The following BCL2L13 variants were observed in gnomAD, a reference collection of about 807,000 sequenced individuals.
The protein encoded by BCL2L13 is BCL2 like 13.
BCL2L13 carries 13 observed loss-of-function variants against 25.8 expected under a neutral mutation model. The ratio of observed to expected loss-of-function variants is 0.50; its 90% CI spans 0.33 to 0.80. The LOEUF (loss-of-function observed/expected upper bound fraction) is 0.80, where lower values mean the gene tolerates loss of function less well. Ranked by LOEUF, BCL2L13 falls within the 30% of genes least tolerant of loss-of-function variation. The pLI is 0.02. For missense variants in BCL2L13, 504 were observed against 574.9 expected (o/e 0.88, Z 1.26); for synonymous variants, 244 against 230.3 (o/e 1.06, Z -0.54).
chr22:17,727,343 G>A lies in BCL2L13; in HGVS notation c.1267G>A (p.Glu423Lys). 6.2e-7 allele frequency: 1 copy of A among 1,614,248 alleles called. No homozygotes were observed. The highest frequency in any genetic ancestry group is 8.5e-7 in the Non-Finnish European group (1 of 1,180,054). The change falls in exon 7 of 7, where the codon GAA becomes AAA. Residue 423 changes from glutamate (E) to lysine (K), a missense_variant. Physicochemically the swap from Glu to Lys is moderately conservative, Grantham distance 56. Coordinates refer to ENST00000317582, the MANE Select transcript of BCL2L13 (RefSeq NM_015367.4). ...EINAREESLV[E>K]ELSPASEKKP... ...AAACGCAAGGGAAGAGAGCCTTGTG[G>A]AAGAGCTGTCCCCTGCCAGCGAGAA...
intron 1 of BCL2L13, among the ~76,000 whole-genome samples, chr22:17,630,216 TCAAAAAAA>T (rs201861337): frequency 0.012 from 1,331 of 108,368 alleles, 29 homozygotes; most frequent in African/African-American, 0.05. Flanking sequence ...AGACTCCGTC[TCAAAAAAA>T]CAAAAAAAAA....
intron 1 of BCL2L13, among the ~76,000 whole-genome samples, chr22:17,641,080 C>T (rs1289395990): frequency 6.6e-6 from 1 of 151,782 alleles, no homozygotes; most frequent in Non-Finnish European, 1.5e-5. Flanking sequence ...TTAGTAGAGA[C>T]GGGGTTTCAC....
intron 3 of BCL2L13, among the ~76,000 whole-genome samples, chr22:17,685,177 A>G (rs2059888213): frequency 1.3e-5 from 2 of 149,904 alleles, no homozygotes; most frequent in African/African-American, 2.5e-5. Flanking sequence ...CCTGGCCACT[A>G]TGTGGTCTTT....
At chr22:17,692,716 C>T (rs1179636603) in intron 4 of BCL2L13, among the ~76,000 whole-genome samples, 2 of 152,154 alleles carry the variant, frequency 1.3e-5, no homozygotes, top group Admixed American at 6.5e-5. Flanking sequence ...AGAATGATGC[C>T]TGTGTCATCA....
chr22:17,692,792 A>T (rs2254520), intron 4 of BCL2L13, among the ~76,000 whole-genome samples: 129,384 of 151,886 alleles, frequency 0.85, 55,239 homozygotes, highest in East Asian at 0.94. Flanking sequence ...GTGGTTTTAA[A>T]ATGTAATTAA....
intron 3 of BCL2L13, among the ~76,000 whole-genome samples, chr22:17,688,559 T>C (rs1364597335): frequency 6.6e-6 from 1 of 152,214 alleles, no homozygotes; most frequent in Non-Finnish European, 1.5e-5. Flanking sequence ...CATGTCAGTT[T>C]AGTTGTTTCT....
At chr22:17,723,997 G>T (rs144008499) in intron 6 of BCL2L13, among the ~76,000 whole-genome samples, 6 of 152,082 alleles carry the variant, frequency 3.9e-5, no homozygotes, top group Admixed American at 2.6e-4. Context: ...TCAAGTCCAG[G>T]TGTGGTGGCT....
intron 6 of BCL2L13, among the ~76,000 whole-genome samples, chr22:17,714,911 T>G (rs752991236): frequency 4.6e-4 from 70 of 151,452 alleles, no homozygotes; most frequent in Non-Finnish European, 8.0e-4. Flanking sequence ...CCCAGCACTT[T>G]GAGAGGATCA....
chr22:17,669,275 G>GCA (rs2059343057), intron 2 of BCL2L13, among the ~76,000 whole-genome samples: 1 of 151,754 alleles, frequency 6.6e-6, no homozygotes, highest in Non-Finnish European at 1.5e-5. Context: ...CTCGTGATCT[G>GCA]CCCGCCTCGG....
intron 3 of BCL2L13, among the ~76,000 whole-genome samples, chr22:17,684,913 T>C (rs1484179189): frequency 1.3e-5 from 2 of 152,088 alleles, no homozygotes; most frequent in Admixed American, 1.3e-4. Flanking sequence ...TTTGTATTTT[T>C]AGTAGAGACG....
Position 17,681,967 on chromosome 22 carries a change from C to T in BCL2L13, c.122-1247C>T, listed in dbSNP as rs769846698. On this transcript the variant is annotated intron_variant, in intron 2 of 6. Coordinates refer to ENST00000317582, the MANE Select transcript of BCL2L13 (RefSeq NM_015367.4). ...ATGAGCATATGTGTATATACACATA[C>T]ATACATACGTACGTACATGTACATA... Among the ~76,000 whole-genome samples, 3 of 152,134 alleles carry T rather than the reference C, an allele frequency of 2.0e-5. No homozygotes were observed. The South Asian group carries it at 6.2e-4, about 32-fold the overall frequency.
intron 6 of BCL2L13, among the ~76,000 whole-genome samples, chr22:17,705,519 G>A (rs542211324): frequency 1.3e-5 from 2 of 151,704 alleles, no homozygotes; most frequent in Non-Finnish European, 2.9e-5. Context: ...GGATGGTCTC[G>A]ATCTCCTGAC....
At chr22:17,644,208 T>C (rs1378464845) in intron 1 of BCL2L13, among the ~76,000 whole-genome samples, 1 of 151,544 alleles carries the variant, frequency 6.6e-6, no homozygotes, top group Non-Finnish European at 1.5e-5. Context: ...CTTTGCCTGG[T>C]CTTTTAATGT....
chr22:17,685,754 CTTTTTCTTTTTTTTTTTTTTT>C (rs2059910242), intron 3 of BCL2L13, among the ~76,000 whole-genome samples: 1 of 53,996 alleles, frequency 1.9e-5, no homozygotes. Flanking sequence ...ATAATTTTTT[CTTTTTCTTTTTTTTTTTTTTT>C]TTTTTTTTTT....
At chr22:17,699,842 G>A (rs1389191221) in intron 5 of BCL2L13, among the ~76,000 whole-genome samples, 1 of 152,128 alleles carries the variant, frequency 6.6e-6, no homozygotes, top group Non-Finnish European at 1.5e-5. Context: ...GAGGTCAGTT[G>A]TAGAATTAAC....
rs2061337248 is a variant in BCL2L13 at position 17,727,830 on chromosome 22, C to G, written c.*296C>G. The stretch of plus-strand genomic sequence containing the variant: ...GCACTAGTGCTGTTCTGACCATTCT[C>G]TGTGTTGGGGCTGTCCTGTGTGTGG... On this transcript the variant is annotated 3_prime_UTR_variant, in exon 7 of 7. Coordinates refer to ENST00000317582, the MANE Select transcript of BCL2L13 (RefSeq NM_015367.4). 1 of 431,704 alleles carries G rather than the reference C, an allele frequency of 2.3e-6. No homozygotes were observed. Among genetic ancestry groups the G allele is most frequent in the African/African-American group, 2.0e-5 (1 of 50,660 alleles). 26.7% of individuals were successfully genotyped at this position (431,704 alleles called of 1,614,324 possible).
At chr22:17,710,834 G>A (rs1162543338) in intron 6 of BCL2L13, among the ~76,000 whole-genome samples, 2 of 151,798 alleles carry the variant, frequency 1.3e-5, no homozygotes, top group East Asian at 3.9e-4. Context: ...TCAAGATCGA[G>A]CCACTGCACT....
At chr22:17,694,875 G>A (rs977594938) in intron 4 of BCL2L13, among the ~76,000 whole-genome samples, 4 of 152,204 alleles carry the variant, frequency 2.6e-5, no homozygotes, top group African/African-American at 9.6e-5. Context: ...TCTGTTTTCA[G>A]TCTGTGGTCA....
chr22:17,722,406 T>C (rs2061171249), intron 6 of BCL2L13, among the ~76,000 whole-genome samples: 1 of 151,752 alleles, frequency 6.6e-6, no homozygotes, highest in Non-Finnish European at 1.5e-5. Flanking sequence ...TGTGTGTGTG[T>C]GTGTGTGTGT....
Sources: allele counts gnomAD v4.1 joint callset (sites outside exome capture counted in the v4.1 genomes callset), GRCh38; gene constraint gnomAD v4.1.1; transcripts MANE v1.5; gene names NCBI Gene and HGNC (gene_info 2026-07-23, HGNC 2026-07-21).